The following AKR1C8 variants were observed in gnomAD, a reference collection of about 807,000 sequenced individuals.
The protein encoded by AKR1C8 is aldo-keto reductase family 1 member C8.
chr10:5,175,424 T>C, the AKR1C8 span, among the ~76,000 whole-genome samples: 22 of 152,222 alleles, frequency 1.4e-4, no homozygotes, highest in East Asian at 3.3e-3. Flanking sequence ...TGAATAGTGC[T>C]GCAATAAACA....
At chr10:5,163,452 ACCCCAAAGCTCACCCTACCTCC>A in the AKR1C8 span, among the ~76,000 whole-genome samples, 1 of 152,052 alleles carries the variant, frequency 6.6e-6, no homozygotes, top group African/African-American at 2.4e-5. Context: ...TTGCAAAGCA[ACCCCAAAGCTCACCCTACCTCC>A]CTGTGACCAG....
the AKR1C8 span, among the ~76,000 whole-genome samples, chr10:5,131,175 A>G: frequency 6.6e-6 from 1 of 152,108 alleles, no homozygotes; most frequent in Non-Finnish European, 1.5e-5. Flanking sequence ...TACACAAATC[A>G]ACTCAAGATG....
At chr10:5,161,352 C>T in the AKR1C8 span, among the ~76,000 whole-genome samples, 1 of 152,188 alleles carries the variant, frequency 6.6e-6, no homozygotes, top group African/African-American at 2.4e-5. Context: ...GCTCAGCCAA[C>T]GTCCACTGTG....
the AKR1C8 span, among the ~76,000 whole-genome samples, chr10:5,168,494 A>G: frequency 6.6e-6 from 1 of 152,134 alleles, no homozygotes; most frequent in East Asian, 1.9e-4. Flanking sequence ...TTCCTTTTTC[A>G]TTACAAGACC....
chr10:5,127,221 TA>T, the AKR1C8 span, among the ~76,000 whole-genome samples: 20 of 148,496 alleles, frequency 1.3e-4, no homozygotes, highest in South Asian at 2.8e-3. Flanking sequence ...AATTTTTTTT[TA>T]AAAAAATTCA....
the AKR1C8 span, among the ~76,000 whole-genome samples, chr10:5,145,245 A>G: frequency 2.0e-5 from 3 of 152,294 alleles, no homozygotes; most frequent in South Asian, 6.2e-4. Context: ...TAAAAACCCT[A>G]GAAGAAAACC....
At chr10:5,126,922 A>G in the AKR1C8 span, among the ~76,000 whole-genome samples, 5 of 152,282 alleles carry the variant, frequency 3.3e-5, no homozygotes, top group East Asian at 9.7e-4. Flanking sequence ...AAAGGGAAAA[A>G]AGACATTAAA....
At chr10:5,153,901 G>C in the AKR1C8 span, among the ~76,000 whole-genome samples, 12 of 152,154 alleles carry the variant, frequency 7.9e-5, no homozygotes, top group Non-Finnish European at 1.8e-4. Context: ...TAAGTATTCT[G>C]TAAGGAAAGA....
the AKR1C8 span, among the ~76,000 whole-genome samples, chr10:5,138,266 C>T: frequency 3.9e-5 from 6 of 151,944 alleles, no homozygotes; most frequent in African/African-American, 9.7e-5. Flanking sequence ...CCAGAGCGGC[C>T]GTTTATAGAC....
the AKR1C8 span, among the ~76,000 whole-genome samples, chr10:5,116,857 T>C: frequency 6.6e-6 from 1 of 152,168 alleles, no homozygotes; most frequent in African/African-American, 2.4e-5. Flanking sequence ...AATACAGTAA[T>C]TCTTGATCAC....
the AKR1C8 span, among the ~76,000 whole-genome samples, chr10:5,139,978 T>A: frequency 1.3e-5 from 2 of 152,000 alleles, no homozygotes; most frequent in Non-Finnish European, 2.9e-5. Context: ...CATCAAAAAG[T>A]GGGCAAAGGA....
chr10:5,117,851 A>G, the AKR1C8 span, among the ~76,000 whole-genome samples: 1 of 152,168 alleles, frequency 6.6e-6, no homozygotes, highest in African/African-American at 2.4e-5. Flanking sequence ...TTGTTACTGC[A>G]GGGAGAGCAC....
chr10:5,128,922 GA>G, the AKR1C8 span, among the ~76,000 whole-genome samples: 3 of 151,870 alleles, frequency 2.0e-5, no homozygotes, highest in African/African-American at 7.2e-5. Flanking sequence ...ACATACTATA[GA>G]AAAAAATTAC....
chr10:5,137,546 AC>A, the AKR1C8 span, among the ~76,000 whole-genome samples: 60 of 152,112 alleles, frequency 3.9e-4, no homozygotes, highest in Admixed American at 7.2e-4. Context: ...ACAAAATTCA[AC>A]CCTGCTTCAT....
the AKR1C8 span, among the ~76,000 whole-genome samples, chr10:5,164,828 T>C: frequency 6.6e-6 from 1 of 152,204 alleles, no homozygotes; most frequent in Admixed American, 6.5e-5. Flanking sequence ...GCTCCTGCAC[T>C]AACTCCAGTT....
chr10:5,148,310 G>A, the AKR1C8 span, among the ~76,000 whole-genome samples: 1 of 152,046 alleles, frequency 6.6e-6, no homozygotes, highest in South Asian at 2.1e-4. Flanking sequence ...GAGATGCAGG[G>A]CATCCTTGAG....
the AKR1C8 span, among the ~76,000 whole-genome samples, chr10:5,179,463 T>C: frequency 6.6e-6 from 1 of 152,102 alleles, no homozygotes; most frequent in Non-Finnish European, 1.5e-5. Flanking sequence ...TATCTTGGAG[T>C]TGCTCTTCTC....
chr10:5,153,427 T>C, the AKR1C8 span, among the ~76,000 whole-genome samples: 3 of 152,160 alleles, frequency 2.0e-5, no homozygotes, highest in African/African-American at 7.2e-5. Context: ...AATCTGAACA[T>C]TGATTATTTC....
chr10:5,162,072 A>G, the AKR1C8 span: 10 of 429,966 alleles, frequency 2.3e-5, no homozygotes, highest in Non-Finnish European at 4.2e-5. Context: ...GTCTTAAAAC[A>G]CTGTGGTCCA....
Sources: allele counts gnomAD v4.1 joint callset (sites outside exome capture counted in the v4.1 genomes callset), GRCh38; gene constraint gnomAD v4.1.1; transcripts MANE v1.5; gene names NCBI Gene and HGNC (gene_info 2026-07-23, HGNC 2026-07-21).